The following FRMD4A variants were observed in gnomAD, a reference collection of about 807,000 sequenced individuals.
The protein encoded by FRMD4A is FERM domain containing 4A.
In FRMD4A, 29 loss-of-function variants were observed where a neutral mutation model predicts 129.1. That is an observed-to-expected ratio of 0.22 (90% CI 0.17 to 0.31). FRMD4A has a LOEUF of 0.31. Ranked by LOEUF, FRMD4A falls within the 10% of genes least tolerant of loss-of-function variation. FRMD4A has a pLI of 1.00. For synonymous variants in FRMD4A, 634 were observed against 571.6 expected (o/e 1.11, Z -1.56); for missense variants, 1,272 against 1,375.8 (o/e 0.92, Z 1.19).
At chr10:14,156,119 A>T (rs1840584399) in intron 2 of FRMD4A, among the ~76,000 whole-genome samples, 1 of 152,202 alleles carries the variant, frequency 6.6e-6, no homozygotes, top group Non-Finnish European at 1.5e-5. Flanking sequence ...TGGTTAAAAA[A>T]ATGGGAAATG....
chr10:14,253,510 T>A (rs1008702315), intron 2 of FRMD4A, among the ~76,000 whole-genome samples: 1 of 152,240 alleles, frequency 6.6e-6, no homozygotes, highest in Non-Finnish European at 1.5e-5. Context: ...TCTAATTCTT[T>A]ATCACTGTCC....
intron 3 of FRMD4A, among the ~76,000 whole-genome samples, chr10:13,813,321 T>C: frequency 6.6e-6 from 1 of 152,184 alleles, no homozygotes; most frequent in East Asian, 1.9e-4. Context: ...GGCGTGTGCT[T>C]GTAATTCCAG....
intron 12 of FRMD4A, chr10:13,707,907 T>A (rs2087633552): frequency 1.0e-6 from 1 of 985,066 alleles, no homozygotes; most frequent in Middle Eastern, 5.2e-4. Flanking sequence ...AGAAGCTGAC[T>A]GTAATGTTTG....
intron 2 of FRMD4A, among the ~76,000 whole-genome samples, chr10:14,172,173 A>C (rs1473088774): frequency 6.6e-6 from 1 of 152,216 alleles, no homozygotes; most frequent in Non-Finnish European, 1.5e-5. Context: ...AAAAAGACTA[A>C]AAAAGAATTC....
At chr10:14,053,797 G>A (rs113707253) in intron 2 of FRMD4A, among the ~76,000 whole-genome samples, 46 of 152,208 alleles carry the variant, frequency 3.0e-4, no homozygotes, top group African/African-American at 1.1e-3. Context: ...GGTGAGGTAA[G>A]AGGATTGCTT....
chr10:14,090,389 G>A (rs1036054447), intron 2 of FRMD4A, among the ~76,000 whole-genome samples: 1 of 152,214 alleles, frequency 6.6e-6, no homozygotes, highest in Non-Finnish European at 1.5e-5. Context: ...AGTCAAGGCA[G>A]ACGCTGTAAA....
intron 2 of FRMD4A, among the ~76,000 whole-genome samples, chr10:14,117,987 T>A (rs1838289850): frequency 6.6e-6 from 1 of 152,182 alleles, no homozygotes. Flanking sequence ...AGGACCATTG[T>A]CTTTTCCTGG....
At chr10:14,259,882 T>A (rs1844740127) in intron 2 of FRMD4A, among the ~76,000 whole-genome samples, 1 of 152,158 alleles carries the variant, frequency 6.6e-6, no homozygotes, top group Admixed American at 6.6e-5. Context: ...CAGCTGTTTC[T>A]CTCACTTATG....
At chr10:13,768,080 A>ATGTGTG (rs36052011) in intron 6 of FRMD4A, among the ~76,000 whole-genome samples, 27,137 of 149,932 alleles carry the variant, frequency 0.18, 2,476 homozygotes, top group East Asian at 0.33. Flanking sequence ...GTCTGCAGGT[A>ATGTGTG]TGTGTGTGTG....
In FRMD4A at chr10:13,730,597, C is replaced by T. The variant is rs543538707; in HGVS notation, c.759+7247G>A. Among the ~76,000 whole-genome samples the T allele has an allele frequency of 1.4e-4, 22 of 152,154 alleles. 2 individuals carry two copies. Among genetic ancestry groups the T allele is most frequent in the African/African-American group, 5.3e-4 (22 of 41,470 alleles). On this transcript the variant is annotated intron_variant, in intron 12 of 24. Coordinates refer to ENST00000357447, the MANE Select transcript of FRMD4A (RefSeq NM_018027.5). ...TCATTGTCTCCTGAGCCCAGTAGGA[C>T]GGTAATTTGTGAAATACGGAGCCTC...
chr10:13,967,246 G>A (rs911916533), intron 2 of FRMD4A, among the ~76,000 whole-genome samples: 13 of 152,196 alleles, frequency 8.5e-5, no homozygotes, highest in Non-Finnish European at 1.3e-4. Context: ...CTGAGGCAGG[G>A]GAATGGCGTG....
chr10:14,271,369 G>A (rs1845157822), intron 2 of FRMD4A, among the ~76,000 whole-genome samples: 9 of 152,354 alleles, frequency 5.9e-5, no homozygotes, highest in Admixed American at 1.3e-4. Flanking sequence ...AGGGTGCAAG[G>A]CAGGGCCCAG....
intron 14 of FRMD4A, among the ~76,000 whole-genome samples, chr10:13,699,228 T>TG (rs1272989192): frequency 6.5e-4 from 79 of 121,098 alleles, no homozygotes; most frequent in African/African-American, 2.2e-3. Context: ...GTTATTGTTT[T>TG]TTTTTTTTTT....
At chr10:13,842,537 A>G (rs2093982974) in intron 3 of FRMD4A, among the ~76,000 whole-genome samples, 1 of 152,230 alleles carries the variant, frequency 6.6e-6, no homozygotes, top group African/African-American at 2.4e-5. Context: ...GTTGAGGTTC[A>G]TAAAGGTAAA....
chr10:14,130,517 C>T (rs1839188966), intron 2 of FRMD4A, among the ~76,000 whole-genome samples: 1 of 152,182 alleles, frequency 6.6e-6, no homozygotes, highest in African/African-American at 2.4e-5. Context: ...TACCAAAGTG[C>T]TGGGATTACA....
intron 2 of FRMD4A, among the ~76,000 whole-genome samples, chr10:13,965,491 C>G (rs1222590781): frequency 6.6e-6 from 1 of 152,146 alleles, no homozygotes; most frequent in East Asian, 1.9e-4. Flanking sequence ...ATATAGGACA[C>G]ACAATTACAA....
At chr10:13,689,093 G>A (rs998748064) in intron 15 of FRMD4A, among the ~76,000 whole-genome samples, 2 of 151,104 alleles carry the variant, frequency 1.3e-5, no homozygotes, top group Non-Finnish European at 2.9e-5. Context: ...AGTTTTAAAG[G>A]TAATTATGTG....
At position 13,737,910 on chromosome 10, in the gene FRMD4A, C is replaced by T; in HGVS notation, c.693G>A (p.Trp231Ter). 1 of 1,598,856 alleles carries T rather than the reference C, an allele frequency of 6.3e-7. No homozygotes were observed. Among genetic ancestry groups the T allele is most frequent in the Non-Finnish European group, 8.6e-7 (1 of 1,166,344 alleles). ...YAVKDKQGIP[W>*]WLGLSYKGIF... ...TCCCTTTGTAGCTCAGGCCCAGCCA[C>T]CATGGTATGCCCTGCTTGTCCTAGG... The change falls in exon 12 of 25, where the codon TGG (tryptophan) becomes TGA (stop). Residue 231 changes from tryptophan (W) to a stop codon, truncating the protein, a stop_gained. Transcript: ENST00000357447. LOFTEE classifies it high-confidence loss of function.
At chr10:13,882,034 T>G (rs2094553127) in intron 2 of FRMD4A, among the ~76,000 whole-genome samples, 1 of 27,056 alleles carries the variant, frequency 3.7e-5, no homozygotes, top group African/African-American at 9.8e-5. Context: ...TGTGTGTGTG[T>G]GTGTGATGGT....
Sources: gnomAD v4.1 joint callset for allele counts (sites outside exome capture counted in the v4.1 genomes callset) on GRCh38, gnomAD v4.1.1 for gene constraint, MANE v1.5 for transcripts, NCBI Gene and HGNC (gene_info 2026-07-23, HGNC 2026-07-21) for gene names.